MAPK10: variants seen among roughly 807,000 people sequenced by gnomAD.
MAPK10 encodes JNK3 alpha protein kinase.
In MAPK10, 25 loss-of-function variants were observed where a neutral mutation model predicts 59.3. The observed-to-expected ratio is 0.42, with a 90% CI of 0.31 to 0.59. The LOEUF (loss-of-function observed/expected upper bound fraction) is 0.59, where lower values mean the gene tolerates loss of function less well. Ranked by LOEUF, MAPK10 falls within the 20% of genes least tolerant of loss-of-function variation. MAPK10 has a pLI of 0.15. For missense variants in MAPK10, 351 were observed against 568.9 expected (o/e 0.62, Z 3.90); for synonymous variants, 190 against 200.5 (o/e 0.95, Z 0.44).
chr4:86,458,321 G>A (rs1353793792), intron 1 of MAPK10, among the ~76,000 whole-genome samples: 1 of 151,670 alleles, frequency 6.6e-6, no homozygotes, highest in Non-Finnish European at 1.5e-5. Flanking sequence ...AAACTAGCCG[G>A]GCGTGGTGGC....
chr4:86,240,497 G>A (rs1168623887), intron 2 of MAPK10, among the ~76,000 whole-genome samples: 1 of 151,844 alleles, frequency 6.6e-6, no homozygotes, highest in Non-Finnish European at 1.5e-5. Flanking sequence ...CTCTTTGTAG[G>A]TCTCCTGTTT....
intron 13 of MAPK10, among the ~76,000 whole-genome samples, chr4:86,021,970 G>T (rs1747314275): frequency 6.6e-6 from 1 of 152,228 alleles, no homozygotes; most frequent in African/African-American, 2.4e-5. Flanking sequence ...ACGCGGCCCG[G>T]GTTCCCGCTC....
chr4:86,097,679 CTAT>C (rs2054501964), intron 9 of MAPK10, among the ~76,000 whole-genome samples: 1 of 151,838 alleles, frequency 6.6e-6, no homozygotes, highest in South Asian at 2.1e-4. Flanking sequence ...GTATATTATA[CTAT>C]TATATGTAAA....
chr4:86,507,661 T>G (rs1424929104), intron 1 of MAPK10, among the ~76,000 whole-genome samples: 2 of 100,364 alleles, frequency 2.0e-5, no homozygotes, highest in African/African-American at 4.0e-5. Flanking sequence ...TATATATATA[T>G]ATATATATAT....
intron 2 of MAPK10, among the ~76,000 whole-genome samples, chr4:86,221,766 G>A (rs1563258857): frequency 6.6e-6 from 1 of 152,138 alleles, no homozygotes; most frequent in Non-Finnish European, 1.5e-5. Context: ...GCTTCCCAAA[G>A]TGCTTACAAG....
At position 86,071,309 on chromosome 4, in the gene MAPK10, T is replaced by C. The variant is rs2047899995; in HGVS notation, c.803-3354A>G. 2.8e-5 allele frequency among the ~76,000 whole-genome samples: 4 copies of C among 141,458 alleles called. No homozygotes were observed. In the South Asian group the frequency reaches 8.9e-4, roughly 31 times the overall value. 92.8% of individuals were successfully genotyped at this position (141,458 alleles called of 152,430 possible). A position where few individuals can be genotyped will look rare whatever the true frequency, so the allele number is the denominator to read the frequency against. On this transcript the variant is annotated intron_variant, in intron 9 of 13. Coordinates refer to ENST00000641462, the MANE Select transcript of MAPK10 (RefSeq NM_138982.4). ...GGATATTAGCCCTTTGTCAGATGAG[T>C]AGGTTGCGAACATTTTCTCCCATTT...
At chr4:86,286,151 A>C (rs2094999370) in intron 2 of MAPK10, among the ~76,000 whole-genome samples, 2 of 152,202 alleles carry the variant, frequency 1.3e-5, no homozygotes, top group African/African-American at 4.8e-5. Flanking sequence ...TCACAGTTAC[A>C]TGTATTTTTA....
intron 1 of MAPK10, among the ~76,000 whole-genome samples, chr4:86,449,187 CTG>C (rs1269799676): frequency 6.6e-6 from 1 of 152,058 alleles, no homozygotes; most frequent in Non-Finnish European, 1.5e-5. Flanking sequence ...TTCTAACTGA[CTG>C]TGGTTTGTTC....
At chr4:86,020,647 C>T (rs1746044917) in intron 13 of MAPK10, 1 of 153,768 alleles carries the variant, frequency 6.5e-6, no homozygotes. Flanking sequence ...TTCGGAGTTT[C>T]TTCCTTCTGG....
intron 1 of MAPK10, among the ~76,000 whole-genome samples, chr4:86,425,910 G>A (rs759189244): frequency 1.3e-5 from 2 of 152,258 alleles, no homozygotes; most frequent in South Asian, 2.1e-4. Flanking sequence ...GGCAGAGGTC[G>A]CAGTGAGCCG....
At chr4:86,200,595 G>T (rs1167661171) in intron 2 of MAPK10, among the ~76,000 whole-genome samples, 1 of 151,826 alleles carries the variant, frequency 6.6e-6, no homozygotes, top group South Asian at 2.1e-4. Flanking sequence ...TTATAATAAT[G>T]CTGCTATGAT....
intron 1 of MAPK10, among the ~76,000 whole-genome samples, chr4:86,476,888 C>A (rs1023047500): frequency 2.6e-5 from 4 of 152,156 alleles, no homozygotes; most frequent in Non-Finnish European, 4.4e-5. Flanking sequence ...GGCCACTGGA[C>A]CAAGGAATGC....
At chr4:86,086,438 T>G (rs2051872603) in intron 9 of MAPK10, among the ~76,000 whole-genome samples, 1 of 152,156 alleles carries the variant, frequency 6.6e-6, no homozygotes, top group African/African-American at 2.4e-5. Flanking sequence ...GATAAATACT[T>G]GAGGGAGTGG....
chr4:86,303,559 T>C (rs1161707659), intron 2 of MAPK10, among the ~76,000 whole-genome samples: 2 of 152,088 alleles, frequency 1.3e-5, no homozygotes. Flanking sequence ...AAAAGTACAA[T>C]GGGAACACTG....
intron 1 of MAPK10, among the ~76,000 whole-genome samples, chr4:86,538,002 AT>A (rs1758377556): frequency 6.6e-6 from 1 of 152,116 alleles, no homozygotes; most frequent in Non-Finnish European, 1.5e-5. Flanking sequence ...TCATGTATGG[AT>A]TGGTGTAGTA....
At chr4:86,055,080 A>T (rs1285169124) in intron 11 of MAPK10, among the ~76,000 whole-genome samples, 1 of 152,184 alleles carries the variant, frequency 6.6e-6, no homozygotes, top group Non-Finnish European at 1.5e-5. Flanking sequence ...TTGTTTTTCT[A>T]CTTCCAGGAA....
At chr4:86,518,013 G>T (rs1314782818) in intron 1 of MAPK10, among the ~76,000 whole-genome samples, 3 of 151,956 alleles carry the variant, frequency 2.0e-5, no homozygotes, top group Non-Finnish European at 4.4e-5. Flanking sequence ...TTGTTTTTTG[G>T]TTTTGGGTTT....
intron 1 of MAPK10, among the ~76,000 whole-genome samples, chr4:86,547,274 G>A (rs1220167652): frequency 6.6e-6 from 1 of 152,220 alleles, no homozygotes; most frequent in Admixed American, 6.5e-5. Context: ...TTTCTGGGCT[G>A]GCCAAGGCCG....
chr4:86,105,845 G>T (rs1167758649), intron 5 of MAPK10, among the ~76,000 whole-genome samples: 4 of 151,990 alleles, frequency 2.6e-5, no homozygotes, highest in Non-Finnish European at 4.4e-5. Flanking sequence ...TCTTGGTGAG[G>T]CCTTTGCTGC....
Sources: allele counts gnomAD v4.1 joint callset (sites outside exome capture counted in the v4.1 genomes callset), GRCh38; gene constraint gnomAD v4.1.1; transcripts MANE v1.5; gene names NCBI Gene and HGNC (gene_info 2026-07-23, HGNC 2026-07-21).